The following KRABD5 variants were observed in gnomAD, a reference collection of about 807,000 sequenced individuals.
KRABD5 encodes the protein KRAB domain-containing protein 5.
chr16:31,725,196 A>G, the KRABD5 span, among the ~76,000 whole-genome samples: 2 of 151,910 alleles, frequency 1.3e-5, no homozygotes, highest in Non-Finnish European at 2.9e-5. Flanking sequence ...GCTCACTACA[A>G]CCTCCGCTTC....
At chr16:31,753,883 A>G in the KRABD5 span, 153 of 1,551,358 alleles carry the variant, frequency 9.9e-5, no homozygotes, top group Middle Eastern at 8.4e-4. Context: ...AACTTAAGGA[A>G]AGAGTGGGAA....
chr16:31,753,948 A>G, the KRABD5 span: 1 of 1,549,468 alleles, frequency 6.5e-7, no homozygotes, highest in East Asian at 2.4e-5. Flanking sequence ...TACAAAATGT[A>G]AGACAACTAC....
At chr16:31,719,191 G>A in the KRABD5 span, among the ~76,000 whole-genome samples, 3 of 152,224 alleles carry the variant, frequency 2.0e-5, no homozygotes, top group Admixed American at 1.3e-4. Flanking sequence ...GTGCAAGCAC[G>A]GAGGTATACA....
At chr16:31,734,106 A>T in the KRABD5 span, among the ~76,000 whole-genome samples, 2 of 152,222 alleles carry the variant, frequency 1.3e-5, no homozygotes, top group African/African-American at 4.8e-5. Context: ...TGTTAATTGT[A>T]CATATTTACG....
chr16:31,759,383 T>C, the KRABD5 span: 1 of 1,532,940 alleles, frequency 6.5e-7, no homozygotes, highest in Non-Finnish European at 8.8e-7. Flanking sequence ...GTGAAAAAAA[T>C]CAACAAGATA....
the KRABD5 span, among the ~76,000 whole-genome samples, chr16:31,749,932 G>T: frequency 6.6e-6 from 1 of 152,202 alleles, no homozygotes; most frequent in East Asian, 1.9e-4. Flanking sequence ...TGCTGTTTTG[G>T]TGACTGTAGG....
chr16:31,758,434 G>A, the KRABD5 span: 1 of 151,604 alleles, frequency 6.6e-6, no homozygotes, highest in African/African-American at 2.4e-5. Flanking sequence ...CCATAGGGAA[G>A]ATTCCCCGAG....
At chr16:31,715,069 A>G in the KRABD5 span, among the ~76,000 whole-genome samples, 1 of 152,154 alleles carries the variant, frequency 6.6e-6, no homozygotes, top group Non-Finnish European at 1.5e-5. Context: ...TCCTGGACTA[A>G]ATCAGATCCC....
At chr16:31,738,661 A>G in the KRABD5 span, among the ~76,000 whole-genome samples, 1 of 152,050 alleles carries the variant, frequency 6.6e-6, no homozygotes, top group Non-Finnish European at 1.5e-5. Context: ...GAATTTATTC[A>G]TTTATGTATA....
chr16:31,721,466 A>T, the KRABD5 span, among the ~76,000 whole-genome samples: 24 of 151,362 alleles, frequency 1.6e-4, no homozygotes, highest in Non-Finnish European at 3.2e-4. Flanking sequence ...AATAAATAAA[A>T]AAATAAATAA....
At chr16:31,754,049 A>G in the KRABD5 span, 3 of 964,902 alleles carry the variant, frequency 3.1e-6, no homozygotes, top group African/African-American at 1.6e-5. Context: ...GTGTTTCTGT[A>G]AGTAAGTGTC....
At chr16:31,742,350 CCT>C in the KRABD5 span, among the ~76,000 whole-genome samples, 1 of 152,132 alleles carries the variant, frequency 6.6e-6, no homozygotes, top group Admixed American at 6.6e-5. Flanking sequence ...GTGTTGTTCT[CCT>C]CTCTGTGTCC....
chr16:31,755,382 AC>A, the KRABD5 span: 1 of 502,998 alleles, frequency 2.0e-6, no homozygotes, highest in South Asian at 1.5e-5. Flanking sequence ...GAGAAACCCT[AC>A]ATATGTAAAG....
At chr16:31,724,249 C>A in the KRABD5 span, among the ~76,000 whole-genome samples, 757 of 151,576 alleles carry the variant, frequency 5.0e-3, 3 homozygotes, top group Non-Finnish European at 9.3e-3. Flanking sequence ...TTTTCCCACA[C>A]TTGTAAATTA....
chr16:31,734,895 C>T, the KRABD5 span, among the ~76,000 whole-genome samples: 1 of 151,890 alleles, frequency 6.6e-6, no homozygotes, highest in African/African-American at 2.4e-5. Context: ...TACAGGCATG[C>T]ACCACCATGC....
chr16:31,738,901 A>G, the KRABD5 span, among the ~76,000 whole-genome samples: 542 of 152,236 alleles, frequency 3.6e-3, 4 homozygotes, highest in African/African-American at 0.012. Flanking sequence ...AGTTACAACA[A>G]TTTACCTCAA....
At chr16:31,721,466 AAAAT>A in the KRABD5 span, among the ~76,000 whole-genome samples, 4 of 151,362 alleles carry the variant, frequency 2.6e-5, no homozygotes, top group Admixed American at 1.3e-4. Context: ...AATAAATAAA[AAAAT>A]AAATAAATAT....
the KRABD5 span, chr16:31,755,820 A>G: frequency 3.2e-6 from 1 of 312,230 alleles, no homozygotes. Context: ...AAATGGGAGG[A>G]AGTATTTAAT....
the KRABD5 span, among the ~76,000 whole-genome samples, chr16:31,736,593 C>G: frequency 6.7e-6 from 1 of 148,982 alleles, no homozygotes; most frequent in South Asian, 2.1e-4. Flanking sequence ...TTTTGGCTTA[C>G]TGCAACCTCC....
Sources: gnomAD v4.1 joint callset for allele counts (sites outside exome capture counted in the v4.1 genomes callset) on GRCh38, gnomAD v4.1.1 for gene constraint, MANE v1.5 for transcripts, NCBI Gene and HGNC (gene_info 2026-07-23, HGNC 2026-07-21) for gene names.